ADAMTS6: variants seen among roughly 807,000 people sequenced by gnomAD.
ADAMTS6 encodes A disintegrin and metalloproteinase with thrombospondin motifs 6.
In ADAMTS6, 23 loss-of-function variants were observed where a neutral mutation model predicts 144.3. The ratio of observed to expected loss-of-function variants is 0.16; its 90% CI spans 0.11 to 0.23. The LOEUF (loss-of-function observed/expected upper bound fraction) is 0.23, where lower values mean the gene tolerates loss of function less well. ADAMTS6 is among the 10% of genes least tolerant of loss of function. The pLI, the probability that ADAMTS6 is intolerant of heterozygous loss-of-function variation, is 1.00. For missense variants in ADAMTS6, 999 were observed against 1,379.6 expected (o/e 0.72, Z 4.37); for synonymous variants, 444 against 457.5 (o/e 0.97, Z 0.38).
intron 12 of ADAMTS6, among the ~76,000 whole-genome samples, chr5:65,266,376 T>C (rs936214565): frequency 1.3e-5 from 2 of 151,970 alleles, no homozygotes; most frequent in Admixed American, 6.6e-5. Context: ...ATCTATTCCA[T>C]GGAGCTATAT....
intron 7 of ADAMTS6, among the ~76,000 whole-genome samples, chr5:65,356,117 A>G (rs1749299683): frequency 1.3e-5 from 2 of 151,820 alleles, no homozygotes; most frequent in Non-Finnish European, 3.0e-5. Flanking sequence ...GACTACATTT[A>G]AATGACTAAA....
intron 14 of ADAMTS6, among the ~76,000 whole-genome samples, chr5:65,253,913 C>T (rs571550291): frequency 6.8e-4 from 98 of 144,444 alleles, no homozygotes; most frequent in Admixed American, 1.2e-3. Context: ...CTGCAACCTC[C>T]GCTTCCTGGG....
intron 14 of ADAMTS6, among the ~76,000 whole-genome samples, chr5:65,247,377 A>G (rs1424952488): frequency 6.6e-6 from 1 of 152,202 alleles, no homozygotes; most frequent in Non-Finnish European, 1.5e-5. Context: ...ATTGAGGCCT[A>G]AAAGTTGCTA....
intron 17 of ADAMTS6, among the ~76,000 whole-genome samples, chr5:65,224,722 A>AG (rs1213252784): frequency 6.6e-6 from 1 of 152,222 alleles, no homozygotes; most frequent in East Asian, 1.9e-4. Flanking sequence ...GGCTAAATGA[A>AG]GTTAAGTAGA....
rs772838323 is a variant in ADAMTS6, at chr5:65,291,560, T to A, written c.1371-90A>T. On this transcript the variant is annotated intron_variant, in intron 10 of 24. Transcript: ENST00000381055. ...AACCACGTGTTGAGCTTTGTTTTAA[T>A]AACTTGACGCATGAAAAACAATACA... is the stretch of plus-strand genomic sequence containing the variant. The A allele has an allele frequency of 4.5e-6, 6 of 1,336,938 alleles. No individual in the cohort carries two copies. The East Asian group carries it at 1.6e-4, about 35-fold the overall frequency. The allele number at this position is 1,336,938 out of a possible 1,614,324, so 82.8% of individuals were successfully genotyped here.
Position 65,151,723 on chromosome 5 carries a change from T to C in ADAMTS6, c.*113A>G. On this transcript the variant is annotated 3_prime_UTR_variant, in exon 25 of 25. Transcript: ENST00000381055. ...CTAGGGCTGACCAGTGGTTACGTTTTCCACAGGGTAATGCATTTGCAAGGA... is the reference window on the plus strand; with the variant it reads ...CTAGGGCTGACCAGTGGTTACGTTTCCCACAGGGTAATGCATTTGCAAGGA... 1.1e-6 allele frequency: 1 copy of C among 889,644 alleles called. No homozygotes were observed. The highest frequency in any genetic ancestry group is 1.8e-5 in the South Asian group (1 of 56,006). The allele number at this position is 889,644 out of a possible 1,614,324, so 55.1% of individuals were successfully genotyped here.
intron 20 of ADAMTS6, among the ~76,000 whole-genome samples, chr5:65,199,111 T>C (rs947941458): frequency 2.0e-5 from 3 of 152,152 alleles, no homozygotes; most frequent in Non-Finnish European, 4.4e-5. Context: ...GGGATTTTTT[T>C]TTATTGGTTA....
chr5:65,206,286 C>T (rs1399830117), intron 20 of ADAMTS6, among the ~76,000 whole-genome samples: 2 of 152,150 alleles, frequency 1.3e-5, no homozygotes, highest in Non-Finnish European at 2.9e-5. Flanking sequence ...CGCTATGTTT[C>T]CCCTGAAAAT....
chr5:65,355,516 A>G (rs1749234073), intron 7 of ADAMTS6, among the ~76,000 whole-genome samples: 2 of 152,010 alleles, frequency 1.3e-5, no homozygotes, highest in Admixed American at 6.6e-5. Flanking sequence ...CAAAGTAAAG[A>G]TAACCTTTCT....
chr5:65,171,003 C>A (rs1310474488), intron 23 of ADAMTS6, among the ~76,000 whole-genome samples: 1 of 150,658 alleles, frequency 6.6e-6, no homozygotes, highest in Non-Finnish European at 1.5e-5. Context: ...CACGCCCAGC[C>A]ACAATATTAA....
At chr5:65,361,740 CTT>C (rs201243889) in intron 7 of ADAMTS6, among the ~76,000 whole-genome samples, 4 of 145,470 alleles carry the variant, frequency 2.7e-5, no homozygotes, top group East Asian at 2.0e-4. Context: ...TTTTCTTTTT[CTT>C]TTTTTTTTTG....
intron 7 of ADAMTS6, among the ~76,000 whole-genome samples, chr5:65,427,978 C>A (rs1756687925): frequency 6.6e-6 from 1 of 151,940 alleles, no homozygotes; most frequent in Non-Finnish European, 1.5e-5. Flanking sequence ...ATAATCCCAG[C>A]ACTTTGGGAG....
chr5:65,425,018 T>C (rs1756391535), intron 7 of ADAMTS6, among the ~76,000 whole-genome samples: 1 of 152,114 alleles, frequency 6.6e-6, no homozygotes, highest in South Asian at 2.1e-4. Flanking sequence ...TTTTTTGAGA[T>C]GGAGTTTTGC....
Position 65,440,526 on chromosome 5 carries a change from C to T in ADAMTS6, c.1073+10949G>A, listed in dbSNP as rs117652650. 4.9e-4 allele frequency among the ~76,000 whole-genome samples: 75 copies of T among 152,222 alleles called. 1 individual carries two copies. The East Asian group carries it at 0.014, about 27-fold the overall frequency. ...AGGAGACAAAGACAGTTAAAATTTACAGGACTAAGTACAGCAGCAGAGGCA... is the reference window on the plus strand; with the variant it reads ...AGGAGACAAAGACAGTTAAAATTTATAGGACTAAGTACAGCAGCAGAGGCA... On this transcript the variant is annotated intron_variant, in intron 7 of 24. Coordinates refer to ENST00000381055, the MANE Select transcript of ADAMTS6 (RefSeq NM_197941.4).
chr5:65,323,908 A>T (rs184442743), intron 9 of ADAMTS6, among the ~76,000 whole-genome samples: 47 of 152,186 alleles, frequency 3.1e-4, no homozygotes, highest in Non-Finnish European at 1.5e-5. Flanking sequence ...TGGCTGCGTA[A>T]ATGTCTTCTT....
At chr5:65,374,614 A>G (rs1276194967) in intron 7 of ADAMTS6, among the ~76,000 whole-genome samples, 2 of 152,208 alleles carry the variant, frequency 1.3e-5, no homozygotes, top group African/African-American at 4.8e-5. Context: ...AAAAGAGGAT[A>G]CAAACAAATG....
chr5:65,463,203 A>T (rs1309719111), intron 3 of ADAMTS6, among the ~76,000 whole-genome samples: 5 of 152,220 alleles, frequency 3.3e-5, no homozygotes, highest in Admixed American at 3.3e-4. Context: ...AGAATTATAC[A>T]AACTATTGGA....
chr5:65,264,712 C>T (rs1342419868), intron 12 of ADAMTS6, among the ~76,000 whole-genome samples: 1 of 152,012 alleles, frequency 6.6e-6, no homozygotes, highest in Non-Finnish European at 1.5e-5. Flanking sequence ...ACCCACTAGC[C>T]ACAGGTAGCT....
chr5:65,283,972 A>C (rs1763177067), intron 11 of ADAMTS6, among the ~76,000 whole-genome samples: 1 of 151,818 alleles, frequency 6.6e-6, no homozygotes. Flanking sequence ...ACTCAAACTC[A>C]TTTTCTCATT....
Sources: allele counts gnomAD v4.1 joint callset (sites outside exome capture counted in the v4.1 genomes callset), GRCh38; gene constraint gnomAD v4.1.1; transcripts MANE v1.5; gene names NCBI Gene and HGNC (gene_info 2026-07-23, HGNC 2026-07-21).